SYNPR: variants seen among roughly 807,000 people sequenced by gnomAD.
The protein encoded by SYNPR is synaptoporin.
In SYNPR, 23 loss-of-function variants were observed where a neutral mutation model predicts 32.9. That is an observed-to-expected ratio of 0.70 (90% CI 0.50 to 0.99). The LOEUF (loss-of-function observed/expected upper bound fraction) is 0.99. SYNPR is among the 50% of genes least tolerant of loss of function. SYNPR has a pLI of 0.00. For synonymous variants in SYNPR, 146 were observed against 135.9 expected (o/e 1.07, Z -0.52); for missense variants, 318 against 349.3 (o/e 0.91, Z 0.71).
intron 2 of SYNPR, among the ~76,000 whole-genome samples, chr3:63,468,054 C>G (rs1700718101): frequency 6.6e-6 from 1 of 151,782 alleles, no homozygotes; most frequent in Non-Finnish European, 1.5e-5. Flanking sequence ...ACAAAATTAG[C>G]CAGGCGTGGT....
At chr3:63,536,775 G>T (rs1205994147) in intron 3 of SYNPR, among the ~76,000 whole-genome samples, 7 of 152,006 alleles carry the variant, frequency 4.6e-5, no homozygotes, top group Non-Finnish European at 1.5e-5. Context: ...CTATACAATG[G>T]AATATTATTT....
intron 2 of SYNPR, among the ~76,000 whole-genome samples, chr3:63,416,681 G>A (rs4688396): frequency 0.3 from 45,469 of 151,752 alleles, 7,064 homozygotes; most frequent in South Asian, 0.36. Flanking sequence ...ACAGTTCCAC[G>A]TGGCTGGGGA....
At chr3:63,307,478 A>G (rs1346359281) in intron 2 of SYNPR, among the ~76,000 whole-genome samples, 2 of 152,004 alleles carry the variant, frequency 1.3e-5, no homozygotes, top group East Asian at 3.9e-4. Flanking sequence ...CTGTGTAATA[A>G]TAATACGTTC....
At chr3:63,356,244 G>A (rs1001386042) in intron 2 of SYNPR, among the ~76,000 whole-genome samples, 1 of 152,232 alleles carries the variant, frequency 6.6e-6, no homozygotes, top group African/African-American at 2.4e-5. Context: ...CTGGGGTGAG[G>A]AAGCTTGATT....
chr3:63,251,134 G>C (rs13098482), intron 1 of SYNPR, among the ~76,000 whole-genome samples: 1 of 151,604 alleles, frequency 6.6e-6, no homozygotes, highest in African/African-American at 2.4e-5. Flanking sequence ...ATATTGTTTC[G>C]TTCAGAGAAA....
chr3:63,253,879 G>A (rs574533877), intron 2 of SYNPR, among the ~76,000 whole-genome samples: 3 of 152,256 alleles, frequency 2.0e-5, no homozygotes, highest in African/African-American at 7.2e-5. Context: ...TATGTTTATT[G>A]CGGCACTATT....
intron 2 of SYNPR, among the ~76,000 whole-genome samples, chr3:63,285,125 T>A (rs756325453): frequency 7.2e-5 from 11 of 152,250 alleles, no homozygotes; most frequent in Non-Finnish European, 1.5e-4. Flanking sequence ...TTTTACAGTG[T>A]TTATCTCAGT....
intron 4 of SYNPR, among the ~76,000 whole-genome samples, chr3:63,572,556 G>C (rs2106848716): frequency 6.6e-6 from 1 of 152,228 alleles, no homozygotes; most frequent in East Asian, 1.9e-4. Context: ...TCTTGAATTA[G>C]GGAAAGAGGT....
intron 2 of SYNPR, among the ~76,000 whole-genome samples, chr3:63,431,591 T>A (rs375767914): frequency 1.3e-5 from 2 of 152,108 alleles, no homozygotes; most frequent in Non-Finnish European, 2.9e-5. Context: ...AGAGTCATGG[T>A]TGGCCAAGGA....
chr3:63,228,950 AAC>A (rs1483085975), intron 1 of SYNPR, among the ~76,000 whole-genome samples: 1 of 151,548 alleles, frequency 6.6e-6, no homozygotes, highest in Non-Finnish European at 1.5e-5. Flanking sequence ...CAAACAAACA[AAC>A]AAACAGAAAA....
At chr3:63,323,113 T>C (rs1000790975) in intron 2 of SYNPR, among the ~76,000 whole-genome samples, 36 of 152,114 alleles carry the variant, frequency 2.4e-4, no homozygotes, top group African/African-American at 8.2e-4. Flanking sequence ...AAATTGAAAA[T>C]AGCAGGGCTC....
At chr3:63,271,963 A>C (rs536305265) in intron 3 of SYNPR, among the ~76,000 whole-genome samples, 1 of 152,242 alleles carries the variant, frequency 6.6e-6, no homozygotes, top group African/African-American at 2.4e-5. Context: ...GTTCAAAGAG[A>C]AAGGAAGAAA....
At chr3:63,336,725 A>G (rs1177079975) in intron 2 of SYNPR, among the ~76,000 whole-genome samples, 1 of 152,038 alleles carries the variant, frequency 6.6e-6, no homozygotes, top group Non-Finnish European at 1.5e-5. Flanking sequence ...CAAAAGCACA[A>G]TCTATGAAAG....
intron 2 of SYNPR, among the ~76,000 whole-genome samples, chr3:63,459,126 C>T (rs548134152): frequency 3.3e-5 from 5 of 152,138 alleles, no homozygotes; most frequent in African/African-American, 9.6e-5. Flanking sequence ...CCAAAACTTT[C>T]CACTAATTCA....
intron 2 of SYNPR, among the ~76,000 whole-genome samples, chr3:63,429,841 G>C (rs79967534): frequency 0.045 from 6,913 of 152,114 alleles, 198 homozygotes; most frequent in South Asian, 0.11. Context: ...GTTCCCATGG[G>C]GCTCTAAGTG....
intron 2 of SYNPR, among the ~76,000 whole-genome samples, chr3:63,308,800 T>C (rs1419068231): frequency 2.6e-5 from 4 of 151,942 alleles, no homozygotes; most frequent in African/African-American, 7.2e-5. Context: ...ATGGTTTTCT[T>C]CATGTTTATT....
chr3:63,420,782 G>T (rs1699780742), intron 2 of SYNPR, among the ~76,000 whole-genome samples: 1 of 152,070 alleles, frequency 6.6e-6, no homozygotes, highest in Non-Finnish European at 1.5e-5. Context: ...TTTATAATGG[G>T]CAAAGGAGTT....
intron 4 of SYNPR, among the ~76,000 whole-genome samples, chr3:63,571,656 G>A (rs761130486): frequency 3.9e-5 from 6 of 152,042 alleles, no homozygotes; most frequent in East Asian, 1.9e-4. Flanking sequence ...TTTCTACCAC[G>A]TGGAATAAAA....
At chr3:63,209,983 A>G in the SYNPR span, among the ~76,000 whole-genome samples, 1 of 152,264 alleles carries the variant, frequency 6.6e-6, no homozygotes, top group East Asian at 1.9e-4. Flanking sequence ...TTGTAATTAA[A>G]TGAGGTTTAG....
Sources: gnomAD v4.1 joint callset for allele counts (sites outside exome capture counted in the v4.1 genomes callset) on GRCh38, gnomAD v4.1.1 for gene constraint, MANE v1.5 for transcripts, NCBI Gene and HGNC (gene_info 2026-07-23, HGNC 2026-07-21) for gene names.